MAP4: variants seen among roughly 807,000 people sequenced by gnomAD.
MAP4 encodes the protein microtubule-associated protein 4.
In MAP4, 76 loss-of-function variants were observed where a neutral mutation model predicts 170.2. That is an observed-to-expected ratio of 0.45 (90% CI 0.37 to 0.54). MAP4 has a LOEUF of 0.54. Among genes scored for constraint, MAP4 ranks in the 20% least tolerant of loss-of-function variants. The pLI, the probability that MAP4 is intolerant of heterozygous loss-of-function variation, is 0.00. For synonymous variants in MAP4, 909 were observed against 994.5 expected (o/e 0.91, Z 1.62); for missense variants, 2,506 against 2,748.0 (o/e 0.91, Z 1.97).
chr3:47,929,627 C>CAAAAAAAAAAAAAAAA lies in MAP4; in HGVS notation c.293-1293_293-1278dup, dbSNP rs71070242. ...GTAGCTCACTTGCTAACTTATTATG[C>CAAAAAAAAAAAAAAAA]AAAAAAAAAAAAAAAAAAAAAAAAA... On this transcript the variant is annotated intron_variant, in intron 3 of 20. Coordinates refer to ENST00000683076, the MANE Select transcript of MAP4 (RefSeq NM_001385682.1). 7.1e-4 allele frequency among the ~76,000 whole-genome samples: 8 copies of CAAAAAAAAAAAAAAAA among 11,208 alleles called. 1 individual carries two copies. The highest frequency in any genetic ancestry group is 1.5e-3 in the Admixed American group (1 of 660). The allele number at this position is 11,208 out of a possible 152,430, so 7.4% of individuals were successfully genotyped here.
chr3:47,872,094 CA>C lies in MAP4; in HGVS notation c.5763del (p.Ile1921MetfsTer74). 1 of 1,609,522 alleles carries C rather than the reference CA, an allele frequency of 6.2e-7. No individual in the cohort carries two copies. Among genetic ancestry groups the C allele is most frequent in the Non-Finnish European group, 8.5e-7 (1 of 1,177,414 alleles). On this transcript the variant is annotated frameshift_variant, in exon 13 of 21. Coordinates refer to ENST00000683076, the MANE Select transcript of MAP4 (RefSeq NM_001385682.1). LOFTEE classifies it high-confidence loss of function. ...LPSKDVKPKPIADAKAPEKRA... is the reference protein window; with the variant it reads ...LPSKDVKPKPXADAKAPEKRA... Reference sequence around the variant, plus strand: ...CGCTTCTCAGGAGCCTTTGCATCTGCAATGGGCTGGAAATAGGAAAGTGGGA... The same window carrying C: ...CGCTTCTCAGGAGCCTTTGCATCTGCATGGGCTGGAAATAGGAAAGTGGGA...
At chr3:47,980,400 C>T (rs1475457536) in intron 2 of MAP4, among the ~76,000 whole-genome samples, 1 of 152,088 alleles carries the variant, frequency 6.6e-6, no homozygotes, top group Non-Finnish European at 1.5e-5. Flanking sequence ...TGAATATCTA[C>T]AATATATGCT....
chr3:47,894,539 C>T (rs531841752), intron 10 of MAP4, among the ~76,000 whole-genome samples: 7 of 151,838 alleles, frequency 4.6e-5, no homozygotes, highest in African/African-American at 1.2e-4. Flanking sequence ...GCTGAGATCA[C>T]GCCACTGCAC....
At chr3:48,058,412 C>T (rs2100133429) in intron 1 of MAP4, among the ~76,000 whole-genome samples, 1 of 152,196 alleles carries the variant, frequency 6.6e-6, no homozygotes, top group Admixed American at 6.5e-5. Flanking sequence ...TACACATACC[C>T]ACCCACTTGC....
chr3:47,914,433 C>T (rs2100037499), intron 8 of MAP4, among the ~76,000 whole-genome samples: 1 of 151,828 alleles, frequency 6.6e-6, no homozygotes, highest in African/African-American at 2.4e-5. Context: ...GCCTGTAATC[C>T]CAGCTACTCA....
intron 1 of MAP4, among the ~76,000 whole-genome samples, chr3:48,002,991 A>AAATAAATAAATAAATAAATT (rs1393173347): frequency 1.3e-5 from 2 of 150,546 alleles, no homozygotes; most frequent in East Asian, 1.9e-4. Context: ...ATAAATAAAT[A>AAATAAATAAATAAATAAATT]AATTTAATTC....
rs1270206722 is a variant in MAP4 at position 47,910,581 on chromosome 3, T to C, written c.3840A>G (p.Thr1280=). 5.9e-6 allele frequency: 9 copies of C among 1,535,992 alleles called. No individual in the cohort carries two copies. The highest frequency in any genetic ancestry group is 7.0e-6 in the Non-Finnish European group (8 of 1,146,916). ...CACCCTTCCTGTCAACTGCTTCCAC[T>C]GTGGGTGTATCTGGTGTATGTGAGA... is the stretch of plus-strand genomic sequence containing the variant. ...SSFSHTPDTP[T]VEAVDRKGGN... is the part of the protein sequence containing the mutation. Residue 1280 remains threonine, a synonymous_variant, in exon 9 of 21, where the codon ACA becomes ACG. Transcript: ENST00000683076.
At chr3:47,884,637 C>T (rs1199547774) in intron 10 of MAP4, among the ~76,000 whole-genome samples, 1 of 152,132 alleles carries the variant, frequency 6.6e-6, no homozygotes, top group East Asian at 1.9e-4. Context: ...CTGTGTCACC[C>T]AGTGTCAGCA....
chr3:47,944,466 T>C lies in MAP4; in HGVS notation c.293-16116A>G, dbSNP rs745429538. Among the ~76,000 whole-genome samples the C allele has an allele frequency of 3.3e-5, 5 of 152,100 alleles. No individual in the cohort carries two copies. In the South Asian group the frequency reaches 1.0e-3, roughly 32 times the overall value. On this transcript the variant is annotated intron_variant, in intron 3 of 20. Transcript: ENST00000683076. ...TATATGACTGCTGTTTCCTCTACCATAAATTTATCTACATCAGAGTCCATC... is the reference window on the plus strand; with the variant it reads ...TATATGACTGCTGTTTCCTCTACCACAAATTTATCTACATCAGAGTCCATC...
At chr3:47,887,589 G>A (rs967122765) in intron 10 of MAP4, among the ~76,000 whole-genome samples, 1 of 152,210 alleles carries the variant, frequency 6.6e-6, no homozygotes, top group Non-Finnish European at 1.5e-5. Flanking sequence ...TGAGGAATGC[G>A]AACGCACCAC....
At chr3:47,880,780 A>G (rs915394100) in intron 10 of MAP4, among the ~76,000 whole-genome samples, 2 of 152,106 alleles carry the variant, frequency 1.3e-5, no homozygotes, top group African/African-American at 4.8e-5. Flanking sequence ...CAATCTTTTA[A>G]ATTGATTCAA....
rs190689958 is a variant in MAP4, at chr3:47,989,409, A to T, written c.223+9229T>A. Among the ~76,000 whole-genome samples the T allele has an allele frequency of 5.9e-5, 9 of 152,360 alleles. No homozygotes were observed. The East Asian group carries it at 1.5e-3, about 26-fold the overall frequency. On this transcript the variant is annotated intron_variant, in intron 2 of 20. Transcript: ENST00000683076. ...GTGGGACTAAATGCAGTAATACAGG[A>T]TGTCAACTGTACAGTGCTAAATAGT...
rs527350536 is a variant in MAP4 at position 48,025,906 on chromosome 3, T to A, written c.-19-27027A>T. ...CAAGTGCGAAACTCTGCCTCAAAAA[T>A]AATAATAATAATAATAATAATAATA... is the stretch of plus-strand genomic sequence containing the variant. On this transcript the variant is annotated intron_variant, in intron 1 of 18. Coordinates refer to the MAP4 transcript ENST00000360240. Among the ~76,000 whole-genome samples the A allele has an allele frequency of 2.1e-4, 29 of 138,646 alleles. No homozygotes were observed. In the East Asian group the frequency reaches 5.8e-3, roughly 28 times the overall value. 91.0% of individuals were successfully genotyped at this position (138,646 alleles called of 152,430 possible). A position where few individuals can be genotyped will look rare whatever the true frequency, so the allele number is the denominator to read the frequency against.
At chr3:47,988,814 T>TTTTA in intron 2 of MAP4, among the ~76,000 whole-genome samples, 1 of 151,854 alleles carries the variant, frequency 6.6e-6, no homozygotes, top group South Asian at 2.1e-4. Flanking sequence ...CAGGGGTTTA[T>TTTTA]TTTATTTATT....
chr3:48,072,273 C>G (rs539112428), intron 1 of MAP4, among the ~76,000 whole-genome samples: 12 of 151,936 alleles, frequency 7.9e-5, no homozygotes, highest in Admixed American at 5.3e-4. Context: ...TTTGGGAGGC[C>G]GAGGTGGGCG....
At chr3:48,076,629 A>G (rs1020918471) in intron 1 of MAP4, among the ~76,000 whole-genome samples, 2 of 152,004 alleles carry the variant, frequency 1.3e-5, no homozygotes, top group African/African-American at 4.8e-5. Flanking sequence ...CAGTGGGCAG[A>G]TATCATGCCA....
intron 10 of MAP4, among the ~76,000 whole-genome samples, chr3:47,887,296 T>C (rs319688): frequency 0.38 from 58,406 of 152,102 alleles, 12,538 homozygotes; most frequent in African/African-American, 0.59. Flanking sequence ...GCCCCGCACT[T>C]GGAGCAGCCA....
chr3:47,939,250 T>C (rs1311695348), intron 3 of MAP4, among the ~76,000 whole-genome samples: 2 of 152,222 alleles, frequency 1.3e-5, no homozygotes, highest in African/African-American at 2.4e-5. Flanking sequence ...AATTTAGTCC[T>C]TAAGCACATG....
chr3:48,086,897 T>C (rs866001093), intron 1 of MAP4, among the ~76,000 whole-genome samples: 9 of 152,198 alleles, frequency 5.9e-5, no homozygotes, highest in South Asian at 2.1e-4. Flanking sequence ...ACTTGAATCA[T>C]CCCAATGTAA....
Sources: allele counts gnomAD v4.1 joint callset (sites outside exome capture counted in the v4.1 genomes callset), GRCh38; gene constraint gnomAD v4.1.1; transcripts MANE v1.5; gene names NCBI Gene and HGNC (gene_info 2026-07-23, HGNC 2026-07-21).